Variants in SNPH observed in about 807,000 individuals in gnomAD.
The protein encoded by SNPH is syntaphilin.
Under a neutral mutation model 36.8 loss-of-function variants are expected in SNPH, and 10 were observed. The ratio of observed to expected loss-of-function variants is 0.27; its 90% CI spans 0.17 to 0.46. The LOEUF is 0.46. Ranked by LOEUF, SNPH falls within the 20% of genes least tolerant of loss-of-function variation. The pLI is 1.00. For missense variants in SNPH, 622 were observed against 744.0 expected, an observed-to-expected ratio of 0.84 and a Z score of 1.91; for synonymous variants, 281 against 312.2, an observed-to-expected ratio of 0.90 and a Z score of 1.05.
chr20:1,273,712 C>T (rs1418584108), intron 2 of SNPH, among the ~76,000 whole-genome samples: 4 of 152,074 alleles, frequency 2.6e-5, no homozygotes, highest in African/African-American at 9.7e-5. Flanking sequence ...GCCTGCCACA[C>T]AGTGATATAG....
At chr20:1,286,834 GT>G (rs1055953861) in intron 2 of SNPH, among the ~76,000 whole-genome samples, 4 of 152,140 alleles carry the variant, frequency 2.6e-5, no homozygotes, top group African/African-American at 9.7e-5. Context: ...CTCAGGCTGG[GT>G]GGGGGCTTTG....
At position 1,306,695 on chromosome 20, in the gene SNPH, G is replaced by A. The variant is rs534205163; in HGVS notation, c.*641G>A. ...GGCTGGAGGAGAGACGGGGCTGGGC[G>A]CAAGGTGGCGGAGGGCAGTGTGGGT... On this transcript the variant is annotated 3_prime_UTR_variant, in exon 7 of 7. Transcript: ENST00000381867. 2.9e-4 allele frequency: 45 copies of A among 152,986 alleles called. No individual in the cohort carries two copies. The highest frequency in any genetic ancestry group is 5.0e-4 in the Non-Finnish European group (34 of 68,552). 9.5% of individuals were successfully genotyped at this position (152,986 alleles called of 1,614,324 possible).
At chr20:1,299,627 C>T (rs1007913613) in intron 5 of SNPH, among the ~76,000 whole-genome samples, 13 of 152,236 alleles carry the variant, frequency 8.5e-5, no homozygotes, top group African/African-American at 3.1e-4. Flanking sequence ...GGGAGCAGTG[C>T]ACTTCCAGCC....
chr20:1,277,893 G>A (rs8184363), intron 2 of SNPH, among the ~76,000 whole-genome samples: 1 of 141,456 alleles, frequency 7.1e-6, no homozygotes, highest in Non-Finnish European at 1.6e-5. Flanking sequence ...CGATGTGTCT[G>A]TGTATGTATC....
Position 1,266,634 on chromosome 20 carries a change from T to C in SNPH, c.-599-20T>C. ...CCGCGCTCACCCGCCCCGGTCTATC[T>C]CTTTTTCCTAACCCCGCAGGTCGCT... On this transcript the variant is annotated intron_variant, in intron 1 of 6. Coordinates refer to ENST00000381867, the MANE Select transcript of SNPH (RefSeq NM_001318234.2). This position sits in a 1 kb window ranked among gnomAD's most constrained non-coding sequence, Gnocchi z 6.0. 6.7e-7 allele frequency: 1 copy of C among 1,485,204 alleles called. No individual in the cohort carries two copies. The highest frequency in any genetic ancestry group is 8.9e-7 in the Non-Finnish European group (1 of 1,120,346). The allele number at this position is 1,485,204 out of a possible 1,614,324, so 92.0% of individuals were successfully genotyped here. A position where few individuals can be genotyped will look rare whatever the true frequency, so the allele number is the denominator to read the frequency against.
rs992307707 is a variant in SNPH at position 1,276,630 on chromosome 20, ATT to A, written c.-493+9872_-493+9873del. On this transcript the variant is annotated intron_variant, in intron 2 of 6. Transcript: ENST00000381867. The surrounding 1 kb of genome is among the most constrained non-coding windows in gnomAD (Gnocchi z 4.6). ...AGCCCCTACCTAGCCCAGGGGCTTT[ATT>A]TATTAAACACAGTAGGTGCTTAATA... Among the ~76,000 whole-genome samples, 37 of 152,212 alleles carry A rather than the reference ATT, an allele frequency of 2.4e-4. No homozygotes were observed. The highest frequency in any genetic ancestry group is 8.4e-4 in the African/African-American group (35 of 41,444).
chr20:1,268,516 C>T (rs755047571), intron 2 of SNPH, among the ~76,000 whole-genome samples: 1 of 152,192 alleles, frequency 6.6e-6, no homozygotes, highest in Non-Finnish European at 1.5e-5. Flanking sequence ...CCAGATACCT[C>T]CTGCCTTTTG....
intron 2 of SNPH, among the ~76,000 whole-genome samples, chr20:1,274,445 A>G (rs184480657): frequency 6.6e-6 from 1 of 152,176 alleles, no homozygotes; most frequent in Admixed American, 6.5e-5. Context: ...ATAGGGCTGG[A>G]TGTTCTAGGA....
chr20:1,275,316 G>A (rs2088119050), intron 2 of SNPH, among the ~76,000 whole-genome samples: 1 of 152,226 alleles, frequency 6.6e-6, no homozygotes, highest in Admixed American at 6.5e-5. Flanking sequence ...CTGTGGGAAA[G>A]AGCCTGGTAT....
At chr20:1,280,779 T>G (rs1395283075) in intron 2 of SNPH, among the ~76,000 whole-genome samples, 2 of 152,138 alleles carry the variant, frequency 1.3e-5, no homozygotes, top group Non-Finnish European at 2.9e-5. Context: ...AACTGTCAGG[T>G]CATCTGTTTG....
chr20:1,267,587 C>T (rs2088023869), intron 2 of SNPH, among the ~76,000 whole-genome samples: 1 of 152,240 alleles, frequency 6.6e-6, no homozygotes, highest in African/African-American at 2.4e-5. Context: ...ATTCTCTAGG[C>T]GTGGGTGTCT....
chr20:1,307,190 G>A lies in SNPH; in HGVS notation c.*1136G>A, dbSNP rs1342442105. ...ACCTTAAACCTCTCTGCCTCTGGAGGAGGGTGGGGTATTCTGGCAGGATGA... is the reference window on the plus strand; with the variant it reads ...ACCTTAAACCTCTCTGCCTCTGGAGAAGGGTGGGGTATTCTGGCAGGATGA... On this transcript the variant is annotated 3_prime_UTR_variant, in exon 7 of 7. Coordinates refer to ENST00000381867, the MANE Select transcript of SNPH (RefSeq NM_001318234.2). The A allele has an allele frequency of 6.6e-6, 1 of 152,608 alleles. No individual in the cohort carries two copies. The highest frequency in any genetic ancestry group is 1.5e-5 in the Non-Finnish European group (1 of 68,086). 9.5% of individuals were successfully genotyped at this position (152,608 alleles called of 1,614,324 possible).
At chr20:1,298,205 A>AAGAAAGCTT (rs1388763007) in intron 5 of SNPH, among the ~76,000 whole-genome samples, 1 of 151,148 alleles carries the variant, frequency 6.6e-6, no homozygotes, top group Non-Finnish European at 1.5e-5. Flanking sequence ...AGTGGAGCTA[A>AAGAAAGCTT]TAACTCGGAA....
At chr20:1,297,655 G>A (rs2088455766) in intron 5 of SNPH, among the ~76,000 whole-genome samples, 1 of 152,194 alleles carries the variant, frequency 6.6e-6, no homozygotes, top group Non-Finnish European at 1.5e-5. Context: ...GGAAGGAACA[G>A]GTGGAAAGGA....
intron 2 of SNPH, among the ~76,000 whole-genome samples, chr20:1,280,416 A>T (rs181289231): frequency 4.3e-4 from 66 of 152,332 alleles, no homozygotes; most frequent in African/African-American, 1.5e-3. Flanking sequence ...GAGGCTTGGG[A>T]GAGCTTTCCA....
chr20:1,280,116 T>C (rs1338030408), intron 2 of SNPH, among the ~76,000 whole-genome samples: 1 of 152,234 alleles, frequency 6.6e-6, no homozygotes, highest in East Asian at 1.9e-4. Context: ...CCACAGCTTT[T>C]CTGCGTTGCT....
rs141041990 is a variant in SNPH, at chr20:1,305,317, G to A, written c.880G>A (p.Asp294Asn). The A allele has an allele frequency of 8.7e-6, 14 of 1,610,568 alleles. No homozygotes were observed. Among genetic ancestry groups the A allele is most frequent in the African/African-American group, 2.7e-5 (2 of 74,952 alleles). ...AGACAGTGGCTTTGCAGCAGCCGAT[G>A]ACACACTGAGCCGGACGGACGCGCT... ...GADSGFAAADDTLSRTDALEA... is the reference protein window; with the variant it reads ...GADSGFAAADNTLSRTDALEA... The change falls in exon 7 of 7, where the codon GAC becomes AAC. Residue 294 changes from aspartate (D) to asparagine (N), a missense_variant. Around this residue, in one of 3 missense-constraint regions of SNPH, gnomAD observed 379 missense variants for 427.9 expected, o/e 0.89. Coordinates refer to ENST00000381867, the MANE Select transcript of SNPH (RefSeq NM_001318234.2).
chr20:1,300,675 C>T lies in SNPH; in HGVS notation c.404C>T (p.Ala135Val), dbSNP rs781738668. The change falls in exon 6 of 7, where the codon GCC (alanine) becomes GTC (valine). Residue 135 changes from alanine (A) to valine (V), a missense_variant. By Grantham distance (64) the Ala-to-Val change is moderately conservative (BLOSUM62 0). This residue lies in a region of SNPH where 187 missense variants were observed against 209.4 expected (regional missense o/e 0.89). Coordinates refer to ENST00000381867, the MANE Select transcript of SNPH (RefSeq NM_001318234.2). Reference protein sequence around the residue: ...QKEVCIRHLKARLKDTQDRLQ... With the variant: ...QKEVCIRHLKVRLKDTQDRLQ... ...GAGGTGTGCATCCGGCACCTGAAAGCCCGGCTGAAGGACACACAGGACCGG... is the reference window on the plus strand; with the variant it reads ...GAGGTGTGCATCCGGCACCTGAAAGTCCGGCTGAAGGACACACAGGACCGG... 1.2e-6 allele frequency: 2 copies of T among 1,612,496 alleles called. No homozygotes were observed. Among genetic ancestry groups the T allele is most frequent in the African/African-American group, 1.3e-5 (1 of 74,888 alleles).
rs1600240979 is a variant in SNPH, at chr20:1,266,750, A to G, written c.-503A>G. 3.6e-6 allele frequency: 5 copies of G among 1,390,810 alleles called. No individual in the cohort carries two copies. Among genetic ancestry groups the G allele is most frequent in the Non-Finnish European group, 4.6e-6 (5 of 1,076,292 alleles). The allele number at this position is 1,390,810 out of a possible 1,614,324, so 86.2% of individuals were successfully genotyped here. On this transcript the variant is annotated 5_prime_UTR_variant, in exon 2 of 7. Transcript: ENST00000381867. This position sits in a 1 kb window ranked among gnomAD's most constrained non-coding sequence, Gnocchi z 6.0. The stretch of plus-strand genomic sequence containing the variant: ...CGAGCCGGCGGGGCTGCGGAGGGCC[A>G]GTGGACTCAGGTGAGGAGGCCGCGG...
Sources: allele counts gnomAD v4.1 joint callset (sites outside exome capture counted in the v4.1 genomes callset), GRCh38; gene constraint gnomAD v4.1.1; regional missense constraint gnomAD v4.1.1; non-coding constraint Gnocchi (gnomAD v3.1); transcripts MANE v1.5; gene names NCBI Gene and HGNC (gene_info 2026-07-23, HGNC 2026-07-21).